Variants in NAA60 observed in about 807,000 individuals in gnomAD.
NAA60 encodes the protein N-alpha-acetyltransferase 60, NatF catalytic subunit.
A neutral mutation model predicts 26.1 loss-of-function variants in NAA60; 8 were observed. The observed-to-expected ratio is 0.31, with a 90% confidence interval of 0.18 to 0.55. The LOEUF is 0.55. NAA60 is among the 20% of genes least tolerant of loss of function. The pLI is 0.93. For missense variants in NAA60, 290 were observed against 311.3 expected (o/e 0.93, Z 0.51); for synonymous variants, 131 against 122.5 (o/e 1.07, Z -0.46).
At chr16:3,483,306 A>G (rs1164013170) in intron 5 of NAA60, 57 bp from the exon 6 acceptor site, 3 of 1,306,722 alleles carry the variant, frequency 2.3e-6, no homozygotes, top group Non-Finnish European at 3.2e-6. Context: ...ATCCTAGCCC[A>G]GTCATCCTTC....
rs1304244337 is a variant in NAA60, at chr16:3,484,839, A to G, written c.713A>G (p.Tyr238Cys). Residue 238 changes from tyrosine (Y) to cysteine (C), a missense_variant, in exon 7 of 8, where the codon TAC (tyrosine) becomes TGC (cysteine). Physicochemically the swap from Tyr to Cys is radical, Grantham distance 194. Transcript: ENST00000407558. ...ATCTCTTCCAAGAGTGGCATCGAGTACAGCCGGACCATGTGATGTCGGCTG... is the reference window on the plus strand; with the variant it reads ...ATCTCTTCCAAGAGTGGCATCGAGTGCAGCCGGACCATGTGATGTCGGCTG... ...SGISSKSGIEYSRTM is the reference protein window; with the variant it reads ...SGISSKSGIECSRTM 1.3e-6 allele frequency: 2 copies of G among 1,563,576 alleles called. No homozygotes were observed. The highest frequency in any genetic ancestry group is 1.7e-6 in the Non-Finnish European group (2 of 1,154,850).
chr16:3,446,044 A>C (rs1164982069), intron 1 of NAA60, among the ~76,000 whole-genome samples: 1 of 152,186 alleles, frequency 6.6e-6, no homozygotes, highest in African/African-American at 2.4e-5. Flanking sequence ...TAATCATCAA[A>C]ATTTAAAAAT....
intron 1 of NAA60, among the ~76,000 whole-genome samples, chr16:3,445,362 C>T (rs945470068): frequency 2.0e-5 from 3 of 151,250 alleles, no homozygotes; most frequent in Non-Finnish European, 2.9e-5. Flanking sequence ...CAACCTCTGC[C>T]TCCGGGGTTC....
chr16:3,481,792 C>CTGTGG (rs2036853667), intron 4 of NAA60, among the ~76,000 whole-genome samples: 3 of 152,210 alleles, frequency 2.0e-5, no homozygotes, highest in Non-Finnish European at 2.9e-5. Context: ...TCTGGGTGAA[C>CTGTGG]TGTGGCTTGA....
chr16:3,481,295 G>A (rs1454042395), intron 4 of NAA60, among the ~76,000 whole-genome samples: 1 of 152,092 alleles, frequency 6.6e-6, no homozygotes. Context: ...TCACCATGTT[G>A]GCCATGCTGA....
chr16:3,460,324 C>G (rs547152829), intron 2 of NAA60, among the ~76,000 whole-genome samples: 2 of 151,420 alleles, frequency 1.3e-5, no homozygotes, highest in South Asian at 4.1e-4. Context: ...AAGGAATCCA[C>G]GAAGCCCTCA....
intron 5 of NAA60, 97 bp from the exon 6 acceptor site, chr16:3,483,266 A>C: frequency 1.1e-6 from 1 of 879,950 alleles, no homozygotes; most frequent in South Asian, 1.5e-5. Flanking sequence ...GTGGGCCGAG[A>C]CATCTCCGAG....
At chr16:3,462,611 T>C (rs1261967117) in intron 2 of NAA60, 1 of 152,176 alleles carries the variant, frequency 6.6e-6, no homozygotes, top group Non-Finnish European at 1.5e-5. Flanking sequence ...AGTGCACTGC[T>C]TGATGAGTTG....
In NAA60 at chr16:3,470,988, G is replaced by C. The variant is rs532365888; in HGVS notation, c.-6-5234G>C. Among the ~76,000 whole-genome samples, 32 of 152,206 alleles carry C rather than the reference G, an allele frequency of 2.1e-4. No individual in the cohort carries two copies. In the East Asian group the frequency reaches 4.1e-3, roughly 19 times the overall value. On this transcript the variant is annotated intron_variant, in intron 2 of 7. Transcript: ENST00000407558. ...TTTCCATTTTTAAATCGAGTGTAAA[G>C]AACTGGCCTCCAGAAACACGGAAGC...
intron 2 of NAA60, among the ~76,000 whole-genome samples, chr16:3,475,625 G>A (rs1386808793): frequency 6.6e-6 from 1 of 152,184 alleles, no homozygotes; most frequent in Non-Finnish European, 1.5e-5. Context: ...TTGAACTGTG[G>A]TGTCCCCCAA....
At chr16:3,457,146 G>A (rs970286179) in intron 2 of NAA60, among the ~76,000 whole-genome samples, 3 of 152,156 alleles carry the variant, frequency 2.0e-5, no homozygotes, top group Non-Finnish European at 4.4e-5. Context: ...AAAGCTCGGA[G>A]TTGAAATATA....
In NAA60 at chr16:3,470,219, C is replaced by T. The variant is rs555446284; in HGVS notation, c.-6-6003C>T. 4.9e-4 allele frequency among the ~76,000 whole-genome samples: 74 copies of T among 152,328 alleles called. No individual in the cohort carries two copies. In the South Asian group the frequency reaches 0.015, roughly 30 times the overall value. ...CTGAGGGGCTGGGAAATGGGTGACC[C>T]TGCCCCACAGTGCCTGCACTGCCCC... On this transcript the variant is annotated intron_variant, in intron 2 of 7. Transcript: ENST00000407558.
At chr16:3,457,385 G>GT (rs2035047583) in intron 2 of NAA60, among the ~76,000 whole-genome samples, 1 of 152,234 alleles carries the variant, frequency 6.6e-6, no homozygotes, top group Non-Finnish European at 1.5e-5. Context: ...GAGGCCAGGA[G>GT]TTGGAGGCTG....
rs1304347549 is a variant in NAA60, at chr16:3,476,052, G to A, written c.-6-170G>A. On this transcript the variant is annotated intron_variant, in intron 2 of 7. Coordinates refer to ENST00000407558, the MANE Select transcript of NAA60 (RefSeq NM_001083601.3). ...GGTCTTCCCAGCGATGGGGGCGACT[G>A]CAGCGCCTCTTGGGAGGGCGATCGT... The A allele has an allele frequency of 5.1e-6, 3 of 584,002 alleles. No homozygotes were observed. The South Asian group carries it at 6.2e-5, about 12-fold the overall frequency. 36.2% of individuals were successfully genotyped at this position (584,002 alleles called of 1,614,324 possible).
rs555281956 is a variant in NAA60 at position 3,454,726 on chromosome 16, T to A, written c.-7+6186T>A. The stretch of plus-strand genomic sequence containing the variant: ...TCAACCCATTCCTGAACCATCCCTG[T>A]GACCGGCAGATGTCCCTCTGCTTGA... On this transcript the variant is annotated intron_variant, in intron 2 of 7. Transcript: ENST00000407558. Among the ~76,000 whole-genome samples the A allele has an allele frequency of 6.2e-4, 95 of 152,300 alleles. 1 individual carries two copies. Among genetic ancestry groups the A allele is most frequent in the African/African-American group, 2.2e-3 (91 of 41,566 alleles).
chr16:3,471,532 A>G lies in NAA60; in HGVS notation c.-6-4690A>G, dbSNP rs113219623. 1.1e-3 allele frequency among the ~76,000 whole-genome samples: 169 copies of G among 152,086 alleles called. 1 individual carries two copies. Among genetic ancestry groups the G allele is most frequent in the African/African-American group, 3.7e-3 (155 of 41,490 alleles). On this transcript the variant is annotated intron_variant, in intron 2 of 7. Coordinates refer to ENST00000407558, the MANE Select transcript of NAA60 (RefSeq NM_001083601.3). ...AAATAATAATAATAAAAAGATCTGG[A>G]ACGTTTTCGTCCCCTCAGGAAGTCA... is the stretch of plus-strand genomic sequence containing the variant.
intron 7 of NAA60, 134 bp from the exon 8 acceptor site, chr16:3,485,333 G>A: frequency 2.0e-6 from 1 of 495,194 alleles, no homozygotes; most frequent in Non-Finnish European, 4.0e-6. Flanking sequence ...GCTGCAGGCA[G>A]ACACCATGGC....
chr16:3,476,707 A>G (rs996657407), intron 3 of NAA60, among the ~76,000 whole-genome samples: 31 of 152,220 alleles, frequency 2.0e-4, no homozygotes, highest in Middle Eastern at 3.4e-3. Flanking sequence ...AATATTATTC[A>G]GCCGGGAAAA....
intron 3 of NAA60, among the ~76,000 whole-genome samples, chr16:3,477,046 AAAAG>A (rs1356492097): frequency 4.6e-5 from 7 of 152,088 alleles, no homozygotes; most frequent in South Asian, 4.1e-4. Context: ...CGTTTCAAAA[AAAAG>A]AAAGAAAGAT....
Sources: gnomAD v4.1 joint callset for allele counts (sites outside exome capture counted in the v4.1 genomes callset) on GRCh38, gnomAD v4.1.1 for gene constraint, MANE v1.5 for transcripts, NCBI Gene and HGNC (gene_info 2026-07-23, HGNC 2026-07-21) for gene names.